Variants in STX18 observed in about 807,000 individuals in gnomAD.
STX18 encodes the protein syntaxin 18, also known as syntaxin-18.
STX18 carries 40 observed loss-of-function variants against 50.1 expected under a neutral mutation model. The observed-to-expected ratio is 0.80, with a 90% CI of 0.62 to 1.04. STX18 has a LOEUF of 1.04. STX18 is among the 50% of genes least tolerant of loss of function. The probability of loss-of-function intolerance (pLI) is 0.00; values close to 1 mark genes in which losing one functional copy is unlikely to be tolerated. For missense variants in STX18, 410 were observed against 415.8 expected, an observed-to-expected ratio of 0.99 and a Z score of 0.12; for synonymous variants, 158 against 151.8, an observed-to-expected ratio of 1.04 and a Z score of -0.30.
intron 1 of STX18, among the ~76,000 whole-genome samples, chr4:4,489,776 A>G (rs1286830718): frequency 6.6e-6 from 1 of 152,178 alleles, no homozygotes; most frequent in African/African-American, 2.4e-5. Context: ...TGCCGGAAAA[A>G]AATGTGTGAA....
chr4:4,537,265 C>CA (rs1731387901), intron 1 of STX18, among the ~76,000 whole-genome samples: 1 of 152,210 alleles, frequency 6.6e-6, no homozygotes, highest in Non-Finnish European at 1.5e-5. Flanking sequence ...GAGTTGAAGA[C>CA]AGCCAGGCAG....
chr4:4,439,714 A>T (rs970119146), intron 5 of STX18, among the ~76,000 whole-genome samples: 19 of 152,098 alleles, frequency 1.2e-4, no homozygotes, highest in Non-Finnish European at 2.6e-4. Context: ...ACAAGTCCTT[A>T]AATACCCACT....
intron 6 of STX18, among the ~76,000 whole-genome samples, chr4:4,435,652 T>C (rs1725737450): frequency 6.6e-6 from 1 of 152,252 alleles, no homozygotes; most frequent in Non-Finnish European, 1.5e-5. Flanking sequence ...GGTTTCAGAC[T>C]GTTCACTGGT....
At chr4:4,497,111 G>A (rs112851071) in intron 1 of STX18, among the ~76,000 whole-genome samples, 336 of 152,262 alleles carry the variant, frequency 2.2e-3, no homozygotes, top group African/African-American at 7.9e-3. Context: ...ACTGGCCCAC[G>A]GTGGACACTG....
Position 4,434,848 on chromosome 4 carries a change from CA to C in STX18, c.623del (p.Leu208TrpfsTer35). On this transcript the variant is annotated frameshift_variant, in exon 7 of 11. Coordinates refer to ENST00000306200, the MANE Select transcript of STX18 (RefSeq NM_016930.4). LOFTEE classifies it high-confidence loss of function. The stretch of plus-strand genomic sequence containing the variant: ...TTCCCAATTCAGGTTGTGTTTCAGC[CA>C]AAATTTTTTCTGTTAAAAAAAAAAT... Reference protein sequence around the residue: ...PATEERPEKILAETQPELGTW... With the variant: ...PATEERPEKIXAETQPELGTW... 6.3e-7 allele frequency: 1 copy of C among 1,596,916 alleles called. No individual in the cohort carries two copies. The highest frequency in any genetic ancestry group is 1.4e-5 in the African/African-American group (1 of 73,778).
chr4:4,529,134 C>T (rs1010790784), intron 1 of STX18, among the ~76,000 whole-genome samples: 5 of 152,048 alleles, frequency 3.3e-5, no homozygotes, highest in South Asian at 2.1e-4. Flanking sequence ...GAGGCTGAGA[C>T]GGGCGGATCA....
chr4:4,454,996 A>ATG (rs1726988324), intron 5 of STX18, among the ~76,000 whole-genome samples: 1 of 152,222 alleles, frequency 6.6e-6, no homozygotes, highest in Admixed American at 6.5e-5. Flanking sequence ...CAGCACTACA[A>ATG]GTTAGGTACT....
rs541437824 is a variant in STX18 at position 4,527,129 on chromosome 4, T to C, written c.168+14668A>G. On this transcript the variant is annotated intron_variant, in intron 1 of 10. Transcript: ENST00000306200. ...ACGCCTTCATCTGGGGACCTATTTATATATATTTTCTTATTTCAAGAGGTA... is the reference window on the plus strand; with the variant it reads ...ACGCCTTCATCTGGGGACCTATTTACATATATTTTCTTATTTCAAGAGGTA... 2.6e-5 allele frequency among the ~76,000 whole-genome samples: 4 copies of C among 152,332 alleles called. No homozygotes were observed. In the East Asian group the frequency reaches 5.8e-4, roughly 22 times the overall value.
At chr4:4,485,651 A>G (rs1393707009) in intron 1 of STX18, among the ~76,000 whole-genome samples, 2 of 152,084 alleles carry the variant, frequency 1.3e-5, no homozygotes, top group South Asian at 4.1e-4. Context: ...CGCAAGCCCC[A>G]TCTCACCCTC....
intron 2 of STX18, among the ~76,000 whole-genome samples, chr4:4,471,122 G>C (rs1213520982): frequency 6.6e-6 from 1 of 152,160 alleles, no homozygotes; most frequent in African/African-American, 2.4e-5. Context: ...CTGGGAGAAG[G>C]ACAAAAGAAG....
At chr4:4,453,834 T>G (rs545955693) in intron 5 of STX18, among the ~76,000 whole-genome samples, 34 of 152,256 alleles carry the variant, frequency 2.2e-4, no homozygotes, top group Admixed American at 2.1e-3. Context: ...CACTACTCAC[T>G]CACTGAACAG....
At chr4:4,491,858 A>G (rs921601542) in intron 1 of STX18, among the ~76,000 whole-genome samples, 2 of 152,118 alleles carry the variant, frequency 1.3e-5, no homozygotes, top group African/African-American at 2.4e-5. Flanking sequence ...ATGATTGACA[A>G]AAGACTTCTT....
At position 4,457,246 on chromosome 4, in the gene STX18, G is replaced by C. The variant is rs763726059; in HGVS notation, c.442C>G (p.Leu148Val). 1 of 1,613,990 alleles carries C rather than the reference G, an allele frequency of 6.2e-7. No individual in the cohort carries two copies. The highest frequency in any genetic ancestry group is 1.1e-5 in the South Asian group (1 of 91,072). ...IEDYLKRVCK[L>V]YSEQRAIRVK... ...CGGATGGCTCTCTGTTCTGAGTAAAGTTTACATACTCCTGTTGCAGAAGAA... is the reference window on the plus strand; with the variant it reads ...CGGATGGCTCTCTGTTCTGAGTAAACTTTACATACTCCTGTTGCAGAAGAA... The change falls in exon 5 of 11, where the codon CTT becomes GTT. Residue 148 changes from leucine (L) to valine (V), a missense_variant. By Grantham distance (32) the Leu-to-Val change is conservative. Coordinates refer to ENST00000306200, the MANE Select transcript of STX18 (RefSeq NM_016930.4).
At chr4:4,473,528 C>T (rs1053056230) in intron 1 of STX18, among the ~76,000 whole-genome samples, 3 of 152,172 alleles carry the variant, frequency 2.0e-5, no homozygotes, top group East Asian at 1.9e-4. Context: ...CTCCGGACCT[C>T]GCGATCCGCC....
chr4:4,465,690 C>G (rs1049539933), intron 2 of STX18, among the ~76,000 whole-genome samples: 5 of 152,254 alleles, frequency 3.3e-5, no homozygotes, highest in Non-Finnish European at 7.4e-5. Context: ...ATGGGATGAT[C>G]TGTGCAGCAA....
chr4:4,500,942 CAGG>C (rs764421573), intron 1 of STX18, among the ~76,000 whole-genome samples: 4 of 152,108 alleles, frequency 2.6e-5, no homozygotes, highest in Admixed American at 6.5e-5. Context: ...GAGGCTGAAG[CAGG>C]AGAATTGCTA....
intron 1 of STX18, among the ~76,000 whole-genome samples, chr4:4,511,224 G>A (rs1729990394): frequency 6.6e-6 from 1 of 152,180 alleles, no homozygotes; most frequent in South Asian, 2.1e-4. Context: ...TAGGTTGGAA[G>A]ATGAATCAAA....
chr4:4,429,578 T>C (rs1725422159), intron 7 of STX18, among the ~76,000 whole-genome samples: 2 of 152,356 alleles, frequency 1.3e-5, no homozygotes, highest in South Asian at 4.1e-4. Context: ...CTTTCTGGAC[T>C]CTTCCAGACG....
chr4:4,426,261 G>A (rs1020475131), intron 7 of STX18: 27 of 152,206 alleles, frequency 1.8e-4, no homozygotes, highest in African/African-American at 6.3e-4. Flanking sequence ...GGAACTGGGT[G>A]GAACATAACT....
Sources: allele counts gnomAD v4.1 joint callset (sites outside exome capture counted in the v4.1 genomes callset), GRCh38; gene constraint gnomAD v4.1.1; transcripts MANE v1.5; gene names NCBI Gene and HGNC (gene_info 2026-07-23, HGNC 2026-07-21).